SYNGR1: variants seen among roughly 807,000 people sequenced by gnomAD.
The protein encoded by SYNGR1 is synaptogyrin 1, also known as synaptogyrin-1.
In SYNGR1, 14 loss-of-function variants were observed where a neutral mutation model predicts 26.1. The ratio of observed to expected loss-of-function variants is 0.54; its 90% CI spans 0.35 to 0.84. The LOEUF is 0.84. Ranked by LOEUF, SYNGR1 falls within the 40% of genes least tolerant of loss-of-function variation. The pLI is 0.01. For synonymous variants in SYNGR1, 141 were observed against 150.1 expected (o/e 0.94, Z 0.44); for missense variants, 319 against 332.9 (o/e 0.96, Z 0.33).
At chr22:39,372,119 C>T (rs1925048962) in intron 1 of SYNGR1, among the ~76,000 whole-genome samples, 1 of 144,402 alleles carries the variant, frequency 6.9e-6, no homozygotes, top group South Asian at 2.2e-4. Context: ...AGGGTAGATC[C>T]ATTCTTTTTT....
chr22:39,360,398 G>A (rs958938249), intron 1 of SYNGR1, among the ~76,000 whole-genome samples: 24 of 152,122 alleles, frequency 1.6e-4, no homozygotes, highest in African/African-American at 5.1e-4. Flanking sequence ...TCTCCCACAC[G>A]CACTCCCCAC....
rs1569184830 is a variant in SYNGR1 at position 39,382,665 on chromosome 22, G to A, written c.*751G>A. The A allele has an allele frequency of 6.5e-6, 1 of 152,934 alleles. No homozygotes were observed. The allele number at this position is 152,934 out of a possible 1,614,324, so 9.5% of individuals were successfully genotyped here. On this transcript the variant is annotated 3_prime_UTR_variant, in exon 4 of 4. Transcript: ENST00000328933. ...GGCCTTGGGGCCCTCAGCCCCTTGA[G>A]ACACCCTGATTCTGCTGCATGCCAA...
intron 3 of SYNGR1, 40 bp from the exon 4 acceptor site, chr22:39,381,656 C>T: frequency 6.2e-7 from 1 of 1,609,272 alleles, no homozygotes; most frequent in Non-Finnish European, 8.5e-7. Flanking sequence ...CTAACCACCC[C>T]CTCCCGCCTG....
intron 1 of SYNGR1, among the ~76,000 whole-genome samples, chr22:39,364,508 G>A (rs931340729): frequency 3.3e-5 from 5 of 152,244 alleles, no homozygotes; most frequent in Non-Finnish European, 7.3e-5. Context: ...AGTGGGGACA[G>A]ACTTGTAAAT....
Position 39,374,514 on chromosome 22 carries a change from G to A in SYNGR1, c.298G>A (p.Asp100Asn), listed in dbSNP as rs925161799. 1 of 1,613,548 alleles carries A rather than the reference G, an allele frequency of 6.2e-7. No individual in the cohort carries two copies. The highest frequency in any genetic ancestry group is 1.3e-5 in the African/African-American group (1 of 74,904). The change falls in exon 2 of 4, where the codon GAC becomes AAC. Residue 100 changes from aspartate (D) to asparagine (N), a missense_variant. By Grantham distance (23) the Asp-to-Asn change is conservative. Coordinates refer to ENST00000328933, the MANE Select transcript of SYNGR1 (RefSeq NM_004711.5). ...VYFPQISSVK[D>N]RKKAVLSDIG... ...CTTCCCGCAGATCAGCAGCGTCAAG[G>A]ACCGCAAGAAAGCCGTCCTGTCCGA... is the stretch of plus-strand genomic sequence containing the variant.
chr22:39,370,933 T>C (rs886592813), intron 1 of SYNGR1, among the ~76,000 whole-genome samples: 1 of 152,148 alleles, frequency 6.6e-6, no homozygotes, highest in Non-Finnish European at 1.5e-5. Context: ...TCTCTAAACT[T>C]TTAATCGTGC....
At chr22:39,363,536 TGA>T (rs973775170) in intron 1 of SYNGR1, among the ~76,000 whole-genome samples, 8 of 151,768 alleles carry the variant, frequency 5.3e-5, no homozygotes, top group Non-Finnish European at 1.2e-4. Flanking sequence ...CTGGGGAGGC[TGA>T]GAGAGATCAC....
intron 1 of SYNGR1, among the ~76,000 whole-genome samples, chr22:39,354,144 G>A (rs1175628100): frequency 1.3e-5 from 2 of 152,352 alleles, no homozygotes. Flanking sequence ...TTACAGGTGT[G>A]AGCCACCGTG....
intron 1 of SYNGR1, among the ~76,000 whole-genome samples, chr22:39,351,035 C>G (rs900269530): frequency 6.6e-6 from 1 of 152,146 alleles, no homozygotes; most frequent in Admixed American, 6.5e-5. Context: ...ACAGTGAGCA[C>G]AGAGGGAGGG....
chr22:39,356,877 G>A (rs1924168783), intron 1 of SYNGR1, among the ~76,000 whole-genome samples: 1 of 152,184 alleles, frequency 6.6e-6, no homozygotes, highest in African/African-American at 2.4e-5. Flanking sequence ...TGCTCTGGTG[G>A]ATCCCGACCT....
intron 3 of SYNGR1, among the ~76,000 whole-genome samples, chr22:39,380,910 C>T (rs1024854482): frequency 5.3e-5 from 8 of 152,004 alleles, no homozygotes; most frequent in Non-Finnish European, 1.2e-4. Context: ...CATGAGTTGT[C>T]GCGCCTGGCC....
chr22:39,384,519 G>C lies in SYNGR1; in HGVS notation c.*2605G>C, dbSNP rs1925598006. On this transcript the variant is annotated 3_prime_UTR_variant, in exon 4 of 4. Coordinates refer to ENST00000328933, the MANE Select transcript of SYNGR1 (RefSeq NM_004711.5). ...AGGATGGAGATGAGAGAGGGTGAGA[G>C]ATGGAGGGCGAGATTTGGATGGGAC... The C allele has an allele frequency of 2.5e-6, 1 of 398,746 alleles. No individual in the cohort carries two copies. The highest frequency in any genetic ancestry group is 2.1e-5 in the African/African-American group (1 of 48,624). 24.7% of individuals were successfully genotyped at this position (398,746 alleles called of 1,614,324 possible).
Position 39,383,883 on chromosome 22 carries a change from G to C in SYNGR1, c.*1969G>C, listed in dbSNP as rs530664180. The C allele has an allele frequency of 6.6e-6, 1 of 152,376 alleles. No homozygotes were observed. The highest frequency in any genetic ancestry group is 2.1e-4 in the South Asian group (1 of 4,828). The allele number at this position is 152,376 out of a possible 1,614,324, so 9.4% of individuals were successfully genotyped here. On this transcript the variant is annotated 3_prime_UTR_variant, in exon 4 of 4. Coordinates refer to ENST00000328933, the MANE Select transcript of SYNGR1 (RefSeq NM_004711.5). Reference sequence around the variant, plus strand: ...CAGTGGAACACGGATCTAAACTCAGGTGTGTCCAAGTCCTCCCAAAGGACA... The same window carrying C: ...CAGTGGAACACGGATCTAAACTCAGCTGTGTCCAAGTCCTCCCAAAGGACA...
In SYNGR1 at chr22:39,384,407, G is replaced by T; in HGVS notation, c.*2493G>T. On this transcript the variant is annotated 3_prime_UTR_variant, in exon 4 of 4. Coordinates refer to ENST00000328933, the MANE Select transcript of SYNGR1 (RefSeq NM_004711.5). ...GGGGGGTGCTGAGTCATCTCACGAA[G>T]AATCCCTCACTCTTCCCGGGTTCAG... 1 of 397,850 alleles carries T rather than the reference G, an allele frequency of 2.5e-6. No individual in the cohort carries two copies. Among genetic ancestry groups the T allele is most frequent in the South Asian group, 1.4e-4 (1 of 7,052 alleles). 24.6% of individuals were successfully genotyped at this position (397,850 alleles called of 1,614,324 possible).
At chr22:39,369,597 G>A (rs1924925650) in intron 1 of SYNGR1, among the ~76,000 whole-genome samples, 2 of 152,220 alleles carry the variant, frequency 1.3e-5, no homozygotes, top group Admixed American at 1.3e-4. Context: ...AAGAACACAG[G>A]TCTGGGAATC....
At chr22:39,352,248 T>G (rs1028855648) in intron 1 of SYNGR1, among the ~76,000 whole-genome samples, 1 of 152,172 alleles carries the variant, frequency 6.6e-6, no homozygotes, top group Non-Finnish European at 1.5e-5. Flanking sequence ...AGCCTCCCAG[T>G]CCTGCTCACA....
At chr22:39,359,458 A>G (rs1222366389) in intron 1 of SYNGR1, among the ~76,000 whole-genome samples, 6 of 27,328 alleles carry the variant, frequency 2.2e-4, no homozygotes, top group Non-Finnish European at 7.7e-4. Context: ...CGTCTCTACT[A>G]AAAAAAAAAA....
In SYNGR1 at chr22:39,384,504, T is replaced by C. The variant is rs1925597260; in HGVS notation, c.*2590T>C. ...GGCAGGGACCTGCCCAGGATGGAGA[T>C]GAGAGAGGGTGAGAGATGGAGGGCG... On this transcript the variant is annotated 3_prime_UTR_variant, in exon 4 of 4. Coordinates refer to ENST00000328933, the MANE Select transcript of SYNGR1 (RefSeq NM_004711.5). The C allele has an allele frequency of 2.5e-6, 1 of 398,566 alleles. No homozygotes were observed. The highest frequency in any genetic ancestry group is 4.4e-6 in the Non-Finnish European group (1 of 226,102). 24.7% of individuals were successfully genotyped at this position (398,566 alleles called of 1,614,324 possible). A position where few individuals can be genotyped will look rare whatever the true frequency, so the allele number is the denominator to read the frequency against.
At chr22:39,364,371 C>T (rs993926221) in intron 1 of SYNGR1, 1 of 1,609,186 alleles carries the variant, frequency 6.2e-7, no homozygotes, top group Non-Finnish European at 8.5e-7. Context: ...CTGTGAAATG[C>T]TCTAAGTATA....
Sources: allele counts gnomAD v4.1 joint callset (sites outside exome capture counted in the v4.1 genomes callset), GRCh38; gene constraint gnomAD v4.1.1; transcripts MANE v1.5; gene names NCBI Gene and HGNC (gene_info 2026-07-23, HGNC 2026-07-21).